Variants in OR4K13 observed in about 807,000 individuals in gnomAD.
OR4K13 encodes olfactory receptor family 4 subfamily K member 13.
For synonymous variants in OR4K13, 160 were observed against 134.8 expected, an observed-to-expected ratio of 1.19 and a Z score of -1.30; for missense variants, 403 against 366.0, an observed-to-expected ratio of 1.10 and a Z score of -0.82.
In OR4K13 at chr14:20,029,431, T is replaced by C. The variant is rs1258186881; in HGVS notation, c.*4413A>G. The C allele has an allele frequency of 1.3e-5, 2 of 152,088 alleles. No individual in the cohort carries two copies. The highest frequency in any genetic ancestry group is 2.9e-5 in the Non-Finnish European group (2 of 68,004). 9.4% of individuals were successfully genotyped at this position (152,088 alleles called of 1,614,324 possible). A position where few individuals can be genotyped will look rare whatever the true frequency, so the allele number is the denominator to read the frequency against. On this transcript the variant is annotated 3_prime_UTR_variant, in exon 2 of 2. Transcript: ENST00000641904. ...TTAAAAATTAAACCACGTTCTAGGA[T>C]AGGAAAGTCAAATGTGGTCAATACC...
chr14:20,034,126 G>A lies in OR4K13; in HGVS notation c.633C>T (p.Phe211=), dbSNP rs149892824. The part of the protein sequence containing the change: ...ADSGLLSLVC[F]LLLLVSYGVI... ...CTCCATAGGAGACAAGCAAGAGGAGGAAGCAGACCAGTGACAGGAGCCCAC... is the reference window on the plus strand; with the variant it reads ...CTCCATAGGAGACAAGCAAGAGGAGAAAGCAGACCAGTGACAGGAGCCCAC... Residue 211 remains phenylalanine, a synonymous_variant, in exon 2 of 2, where the codon TTC becomes TTT. Coordinates refer to ENST00000641904, the MANE Select transcript of OR4K13 (RefSeq NM_001004714.2). 8.1e-6 allele frequency: 13 copies of A among 1,613,994 alleles called. No individual in the cohort carries two copies. The highest frequency in any genetic ancestry group is 1.6e-4 in the Middle Eastern group (1 of 6,084).
In OR4K13 at chr14:20,029,869, A is replaced by G. The variant is rs1193033473; in HGVS notation, c.*3975T>C. ...AACTGGGGAGGTGGAGGTTGCAGTG[A>G]GCCAAAATTGAGCCACTGCACTACA... is the stretch of plus-strand genomic sequence containing the variant. On this transcript the variant is annotated 3_prime_UTR_variant, in exon 2 of 2. Transcript: ENST00000641904. 6.6e-6 allele frequency: 1 copy of G among 152,156 alleles called. No individual in the cohort carries two copies. Among genetic ancestry groups the G allele is most frequent in the Non-Finnish European group, 1.5e-5 (1 of 68,038 alleles). 9.4% of individuals were successfully genotyped at this position (152,156 alleles called of 1,614,324 possible).
At position 20,030,459 on chromosome 14, in the gene OR4K13, A is replaced by C. The variant is rs1877389624; in HGVS notation, c.*3385T>G. On this transcript the variant is annotated 3_prime_UTR_variant, in exon 2 of 2. Coordinates refer to ENST00000641904, the MANE Select transcript of OR4K13 (RefSeq NM_001004714.2). ...GTAAACTGTACTTGAAAAATGAAAC[A>C]AAAAGCTTAATATTTGTACTATGAA... 6.6e-6 allele frequency: 1 copy of C among 152,230 alleles called. No homozygotes were observed. Among genetic ancestry groups the C allele is most frequent in the Non-Finnish European group, 1.5e-5 (1 of 68,040 alleles). 9.4% of individuals were successfully genotyped at this position (152,230 alleles called of 1,614,324 possible).
chr14:20,034,178 A>T lies in OR4K13; in HGVS notation c.581T>A (p.Ile194Asn). 1 of 1,614,150 alleles carries T rather than the reference A, an allele frequency of 6.2e-7. No homozygotes were observed. Among genetic ancestry groups the T allele is most frequent in the Non-Finnish European group, 8.5e-7 (1 of 1,180,028 alleles). ...GTCAGCAATGACCAGGAGCTGTAGG[A>T]TGTAGGTGTCCTTGCAGGCAAGTTT... ...VIKLACKDTY[I>N]LQLLVIADSG... The change falls in exon 2 of 2, where the codon ATC becomes AAC. Residue 194 changes from isoleucine to asparagine, a missense_variant. Ile to Asn is a moderately radical substitution (Grantham distance 149). Transcript: ENST00000641904.
rs1877511582 is a variant in OR4K13 at position 20,034,387 on chromosome 14, A to T, written c.372T>A (p.Val124=). The change falls in exon 2 of 2, where the codon GTT becomes GTA. Residue 124 remains valine, a synonymous_variant. Coordinates refer to ENST00000641904, the MANE Select transcript of OR4K13 (RefSeq NM_001004714.2). ...LLVAMAIDRY[V]AICKPLHYMT... is the part of the protein sequence containing the mutation. ...TGTAATGGAGGGGTTTGCATATGGC[A>T]ACATACCTGTCTATTGCCATGGCTA... 6.2e-7 allele frequency: 1 copy of T among 1,614,088 alleles called. No individual in the cohort carries two copies. The highest frequency in any genetic ancestry group is 2.2e-5 in the East Asian group (1 of 44,868).
In OR4K13 at chr14:20,034,168, G is replaced by C. The variant is rs759397011; in HGVS notation, c.591C>G (p.Leu197=). ...GGAGCCCACTGTCAGCAATGACCAGGAGCTGTAGGATGTAGGTGTCCTTGC... is the reference window on the plus strand; with the variant it reads ...GGAGCCCACTGTCAGCAATGACCAGCAGCTGTAGGATGTAGGTGTCCTTGC... ...LACKDTYILQ[L]LVIADSGLLS... The change falls in exon 2 of 2, where the codon CTC becomes CTG. Residue 197 remains leucine (L), a synonymous_variant. Transcript: ENST00000641904. 6.2e-7 allele frequency: 1 copy of C among 1,614,130 alleles called. No homozygotes were observed. The highest frequency in any genetic ancestry group is 1.3e-5 in the African/African-American group (1 of 75,036).
At chr14:20,035,308 A>G (rs949733909) in intron 1 of OR4K13, among the ~76,000 whole-genome samples, 10 of 152,016 alleles carry the variant, frequency 6.6e-5, no homozygotes, top group Non-Finnish European at 1.5e-4. Flanking sequence ...ATGTTTTGAA[A>G]TGGACTCTGG....
Position 20,033,798 on chromosome 14 carries a change from A to G in OR4K13, c.*46T>C, listed in dbSNP as rs1242285838. 2 of 1,027,928 alleles carry G rather than the reference A, an allele frequency of 1.9e-6. No homozygotes were observed. Among genetic ancestry groups the G allele is most frequent in the African/African-American group, 3.2e-5 (2 of 62,322 alleles). 63.7% of individuals were successfully genotyped at this position (1,027,928 alleles called of 1,614,324 possible). On this transcript the variant is annotated 3_prime_UTR_variant, in exon 2 of 2. Transcript: ENST00000641904. ...AGTTTCTTAAATGTTCAAACAAACA[A>G]GAGAGTGTCTCTTCAAAAGTCTCAT...
At position 20,033,839 on chromosome 14, in the gene OR4K13, T is replaced by C. The variant is rs1450116466; in HGVS notation, c.*5A>G. The C allele has an allele frequency of 1.4e-6, 2 of 1,389,668 alleles. No homozygotes were observed. Among genetic ancestry groups the C allele is most frequent in the Admixed American group, 4.1e-5 (2 of 48,708 alleles). 86.1% of individuals were successfully genotyped at this position (1,389,668 alleles called of 1,614,324 possible). ...AAAGTCTCATCTAAAAAGTATGCTTTAAATTTATATGCAGAGTCTTTTTTT... is the reference window on the plus strand; with the variant it reads ...AAAGTCTCATCTAAAAAGTATGCTTCAAATTTATATGCAGAGTCTTTTTTT... On this transcript the variant is annotated 3_prime_UTR_variant, in exon 2 of 2. Coordinates refer to ENST00000641904, the MANE Select transcript of OR4K13 (RefSeq NM_001004714.2).
At chr14:20,035,668 T>C (rs1296977249) in intron 1 of OR4K13, 5 of 152,074 alleles carry the variant, frequency 3.3e-5, no homozygotes, top group Non-Finnish European at 7.4e-5. Context: ...AGTGGTTAGC[T>C]GGTTGGCCTG....
At position 20,034,090 on chromosome 14, in the gene OR4K13, G is replaced by A. The variant is rs1316196810; in HGVS notation, c.669C>T (p.Phe223=). 6.2e-7 allele frequency: 1 copy of A among 1,613,960 alleles called. No individual in the cohort carries two copies. Among genetic ancestry groups the A allele is most frequent in the Non-Finnish European group, 8.5e-7 (1 of 1,180,020 alleles). ...GACTAGCAGCACGGTACCTAACTGA[G>A]AATATTATGACTCCATAGGAGACAA... ...LLLVSYGVII[F]SVRYRAASRS... is the part of the protein sequence containing the mutation. Residue 223 remains phenylalanine, a synonymous_variant, in exon 2 of 2, where the codon TTC becomes TTT. Transcript: ENST00000641904.
rs7158975 is a variant in OR4K13 at position 20,029,547 on chromosome 14, G to A, written c.*4297C>T. 65,916 of 151,514 alleles carry A rather than the reference G, an allele frequency of 0.44. 15,958 individuals are homozygous for A. Among genetic ancestry groups the A allele is most frequent in the Non-Finnish European group, 0.55 (37,074 of 67,718 alleles). 9.4% of individuals were successfully genotyped at this position (151,514 alleles called of 1,614,324 possible). ...ATTTGGTAAAATCACACTAGTTAAC[G>A]TAAATGAAGAATCGAATGACACAAA... On this transcript the variant is annotated 3_prime_UTR_variant, in exon 2 of 2. Coordinates refer to ENST00000641904, the MANE Select transcript of OR4K13 (RefSeq NM_001004714.2).
chr14:20,035,337 G>T (rs1212575826), intron 1 of OR4K13, among the ~76,000 whole-genome samples: 1 of 151,688 alleles, frequency 6.6e-6, no homozygotes, highest in Non-Finnish European at 1.5e-5. Context: ...TATGAATTAG[G>T]TCCTGAGAAA....
rs553695573 is a variant in OR4K13 at position 20,032,336 on chromosome 14, T to C, written c.*1508A>G. 6.6e-6 allele frequency: 1 copy of C among 152,328 alleles called. No individual in the cohort carries two copies. The highest frequency in any genetic ancestry group is 2.1e-4 in the South Asian group (1 of 4,828). 9.4% of individuals were successfully genotyped at this position (152,328 alleles called of 1,614,324 possible). A position where few individuals can be genotyped will look rare whatever the true frequency, so the allele number is the denominator to read the frequency against. ...TTGAAAATGCATTTTGAGGCTGGGA[T>C]CCTTGGTCACAATAATTCAACTTGT... On this transcript the variant is annotated 3_prime_UTR_variant, in exon 2 of 2. Transcript: ENST00000641904.
chr14:20,029,948 T>C lies in OR4K13; in HGVS notation c.*3896A>G, dbSNP rs1432991095. 2.3e-5 allele frequency: 3 copies of C among 128,228 alleles called. No individual in the cohort carries two copies. 7.9% of individuals were successfully genotyped at this position (128,228 alleles called of 1,614,324 possible). ...CAAAAAAACAAATAAAATAAAATAA[T>C]AAAATGTAATATAGATTTACATTAA... On this transcript the variant is annotated 3_prime_UTR_variant, in exon 2 of 2. Coordinates refer to ENST00000641904, the MANE Select transcript of OR4K13 (RefSeq NM_001004714.2).
At chr14:20,035,004 T>C in intron 1 of OR4K13, 23 bp from the exon 2 acceptor site, 1 of 439,180 alleles carries the variant, frequency 2.3e-6, no homozygotes, top group Non-Finnish European at 4.0e-6. Context: ...AATAAAAACA[T>C]TAATAGTACA....
At chr14:20,035,892 G>A (rs1171497509) in intron 1 of OR4K13, 46 bp downstream of exon 1, 1 of 152,032 alleles carries the variant, frequency 6.6e-6, no homozygotes, top group African/African-American at 2.4e-5. Context: ...AACACCTTCA[G>A]TAAATAAAGT....
At position 20,034,887 on chromosome 14, in the gene OR4K13, G is replaced by A; in HGVS notation, c.-129C>T. On this transcript the variant is annotated 5_prime_UTR_variant, in exon 2 of 2. Transcript: ENST00000641904. ...TCAGTCAAGGCACTTGAACTTACAA[G>A]GACCCTTACTTTTGTGGAATTTTGT... 1.3e-6 allele frequency: 1 copy of A among 752,108 alleles called. No individual in the cohort carries two copies. The highest frequency in any genetic ancestry group is 2.1e-6 in the Non-Finnish European group (1 of 476,180). The allele number at this position is 752,108 out of a possible 1,614,324, so 46.6% of individuals were successfully genotyped here. A position where few individuals can be genotyped will look rare whatever the true frequency, so the allele number is the denominator to read the frequency against.
At position 20,034,099 on chromosome 14, in the gene OR4K13, G is replaced by A. The variant is rs992180910; in HGVS notation, c.660C>T (p.Val220=). ...CFLLLLVSYG[V]IIFSVRYRAA... is the part of the protein sequence containing the mutation. ...CACGGTACCTAACTGAGAATATTAT[G>A]ACTCCATAGGAGACAAGCAAGAGGA... Residue 220 remains valine (V), a synonymous_variant, in exon 2 of 2, where the codon GTC becomes GTT. Coordinates refer to ENST00000641904, the MANE Select transcript of OR4K13 (RefSeq NM_001004714.2). 3.7e-6 allele frequency: 6 copies of A among 1,613,916 alleles called. No homozygotes were observed. In the African/African-American group the frequency reaches 6.7e-5, roughly 18 times the overall value.
Sources: allele counts gnomAD v4.1 joint callset (sites outside exome capture counted in the v4.1 genomes callset), GRCh38; gene constraint gnomAD v4.1.1; transcripts MANE v1.5; gene names NCBI Gene and HGNC (gene_info 2026-07-23, HGNC 2026-07-21).